IL1RAPL2: variants seen among roughly 807,000 people sequenced by gnomAD.
The protein encoded by IL1RAPL2 is X-linked interleukin-1 receptor accessory protein-like 2.
A neutral mutation model predicts 44.1 loss-of-function variants in IL1RAPL2; 3 were observed. The ratio of observed to expected loss-of-function variants is 0.07; its 90% CI spans 0.03 to 0.18. The LOEUF is 0.18. IL1RAPL2 is among the 10% of genes least tolerant of loss of function. IL1RAPL2 has a pLI of 1.00. For synonymous variants in IL1RAPL2, 181 were observed against 178.8 expected (o/e 1.01, Z -0.10); for missense variants, 391 against 496.4 (o/e 0.79, Z 2.02).
intron 4 of IL1RAPL2, among the ~76,000 whole-genome samples, chrX:105,257,887 G>A (rs1045489141): frequency 3.6e-5 from 4 of 111,401 alleles, no homozygotes; most frequent in Middle Eastern, 4.2e-3. Flanking sequence ...TATCCAGCTT[G>A]CCACTCTGTG....
chrX:105,295,764 AT>A (rs1345748231), intron 5 of IL1RAPL2, among the ~76,000 whole-genome samples: 2 of 112,026 alleles, frequency 1.8e-5, no homozygotes, highest in African/African-American at 6.5e-5. Flanking sequence ...GGTAAAAAAA[AT>A]AAGTCTCTGA....
At chrX:104,821,104 A>G (rs773371881) in intron 2 of IL1RAPL2, among the ~76,000 whole-genome samples, 2 of 112,041 alleles carry the variant, frequency 1.8e-5, no homozygotes, top group South Asian at 7.5e-4. Context: ...CTGTTCACCA[A>G]TTGCATTATA....
intron 2 of IL1RAPL2, among the ~76,000 whole-genome samples, chrX:105,116,090 C>T (rs1028936939): frequency 7.8e-5 from 6 of 76,622 alleles, no homozygotes; most frequent in African/African-American, 5.0e-5. Flanking sequence ...GCGCCTCTCC[C>T]TTCACACCTC....
intron 2 of IL1RAPL2, among the ~76,000 whole-genome samples, chrX:104,891,939 A>G (rs1055192449): frequency 1.8e-5 from 2 of 111,333 alleles, no homozygotes; most frequent in East Asian, 2.8e-4. Flanking sequence ...GTTTGTCATA[A>G]ATAGCTCTTA....
intron 6 of IL1RAPL2, among the ~76,000 whole-genome samples, chrX:105,708,502 G>A (rs1366040877): frequency 4.5e-5 from 5 of 111,623 alleles, no homozygotes; most frequent in African/African-American, 1.6e-4. Context: ...AGTACCAAAA[G>A]TTGTGATCTT....
intron 4 of IL1RAPL2, among the ~76,000 whole-genome samples, chrX:105,239,924 G>C (rs1011753986): frequency 3.6e-5 from 4 of 111,827 alleles, no homozygotes; most frequent in Admixed American, 9.5e-5. Flanking sequence ...GAAAAGCTTT[G>C]ATACAACCAG....
At chrX:105,538,622 C>G (rs752573699) in intron 6 of IL1RAPL2, among the ~76,000 whole-genome samples, 3 of 111,384 alleles carry the variant, frequency 2.7e-5, no homozygotes, top group Non-Finnish European at 1.9e-5. Context: ...ATTTCATTTT[C>G]CTGAACTTAA....
chrX:104,787,230 G>A (rs1401763225), intron 2 of IL1RAPL2, among the ~76,000 whole-genome samples: 1 of 111,173 alleles, frequency 9.0e-6, no homozygotes, highest in Non-Finnish European at 1.9e-5. Context: ...AAAATGTCAG[G>A]TTGTTAAAAG....
intron 3 of IL1RAPL2, among the ~76,000 whole-genome samples, chrX:105,196,950 G>T (rs2033677669): frequency 9.0e-6 from 1 of 111,608 alleles, no homozygotes; most frequent in African/African-American, 3.3e-5. Context: ...TGATGCCAAA[G>T]CTATGTCACT....
chrX:104,614,134 A>G (rs1425552850), intron 1 of IL1RAPL2, among the ~76,000 whole-genome samples: 1 of 111,173 alleles, frequency 9.0e-6, no homozygotes, highest in Non-Finnish European at 1.9e-5. Context: ...TATCCTTTCA[A>G]AGAAACAGAC....
At chrX:104,756,514 CT>C (rs1424964171) in intron 2 of IL1RAPL2, among the ~76,000 whole-genome samples, 1 of 110,477 alleles carries the variant, frequency 9.1e-6, no homozygotes, top group Non-Finnish European at 1.9e-5. Flanking sequence ...TGGAGTAAGT[CT>C]TTTTTTGTTC....
chrX:105,045,907 AAATT>A lies in IL1RAPL2; in HGVS notation c.83-149564_83-149561del, dbSNP rs750649418. Among the ~76,000 whole-genome samples, 20 of 111,316 alleles carry A rather than the reference AAATT, an allele frequency of 1.8e-4. No individual in the cohort carries two copies. In the East Asian group the frequency reaches 5.4e-3, roughly 30 times the overall value. ...ATGTACATTTATTACTTAGATTAAA[AAATT>A]AATCTTAAAAAATTATTAAATTTGG... On this transcript the variant is annotated intron_variant, in intron 2 of 10. Transcript: ENST00000372582.
chrX:104,920,490 G>A (rs954810135), intron 2 of IL1RAPL2, among the ~76,000 whole-genome samples: 2 of 99,007 alleles, frequency 2.0e-5, no homozygotes, highest in African/African-American at 3.7e-5. Context: ...GTGAGTTATC[G>A]TGAGATATGG....
At chrX:105,044,699 A>G (rs2031813843) in intron 2 of IL1RAPL2, among the ~76,000 whole-genome samples, 1 of 111,261 alleles carries the variant, frequency 9.0e-6, no homozygotes, top group Non-Finnish European at 1.9e-5. Context: ...AAGTAGTTAG[A>G]CCCCTAGATA....
At chrX:105,304,456 T>C (rs2034719438) in intron 5 of IL1RAPL2, among the ~76,000 whole-genome samples, 1 of 112,371 alleles carries the variant, frequency 8.9e-6, no homozygotes, top group African/African-American at 3.2e-5. Flanking sequence ...GAATTTGAGG[T>C]CTGAAAAACA....
At chrX:105,279,852 C>T (rs1427364824) in intron 5 of IL1RAPL2, among the ~76,000 whole-genome samples, 1 of 112,057 alleles carries the variant, frequency 8.9e-6, no homozygotes, top group Non-Finnish European at 1.9e-5. Context: ...GCCATACTGC[C>T]CGAAGTAATT....
intron 2 of IL1RAPL2, among the ~76,000 whole-genome samples, chrX:104,746,204 A>T (rs1932172598): frequency 9.0e-6 from 1 of 111,603 alleles, no homozygotes; most frequent in African/African-American, 3.3e-5. Context: ...ACTTTTAGAG[A>T]TGGAGGAACT....
intron 2 of IL1RAPL2, among the ~76,000 whole-genome samples, chrX:104,664,696 T>G (rs1930460061): frequency 8.9e-6 from 1 of 111,826 alleles, no homozygotes; most frequent in Non-Finnish European, 1.9e-5. Context: ...TACTGATTCT[T>G]TTTAGTGGAA....
At chrX:105,349,007 T>A (rs1438156385) in intron 5 of IL1RAPL2, among the ~76,000 whole-genome samples, 2 of 112,380 alleles carry the variant, frequency 1.8e-5, no homozygotes, top group African/African-American at 6.5e-5. Flanking sequence ...AAAAAGACTA[T>A]AAACATCAGT....
Sources: allele counts gnomAD v4.1 joint callset (sites outside exome capture counted in the v4.1 genomes callset), GRCh38; gene constraint gnomAD v4.1.1; transcripts MANE v1.5; gene names NCBI Gene and HGNC (gene_info 2026-07-23, HGNC 2026-07-21).